SIK3: variants seen among roughly 807,000 people sequenced by gnomAD.
The protein encoded by SIK3 is SIK family kinase 3, also known as serine/threonine-protein kinase SIK3.
SIK3 carries 28 observed loss-of-function variants against 144.2 expected under a neutral mutation model. That is an observed-to-expected ratio of 0.19 (90% CI 0.14 to 0.27). The LOEUF (loss-of-function observed/expected upper bound fraction) is 0.27. Among genes scored for constraint, SIK3 ranks in the 10% least tolerant of loss-of-function variants. The probability of loss-of-function intolerance (pLI) is 1.00; values close to 1 mark genes in which losing one functional copy is unlikely to be tolerated. For missense variants in SIK3, 1,319 were observed against 1,776.0 expected (o/e 0.74, Z 4.62); for synonymous variants, 686 against 676.3 (o/e 1.01, Z -0.22).
intron 1 of SIK3, among the ~76,000 whole-genome samples, chr11:117,029,286 G>A (rs1457213979): frequency 2.3e-5 from 3 of 131,920 alleles, no homozygotes; most frequent in Non-Finnish European, 4.7e-5. Flanking sequence ...GCAACATGGT[G>A]AAACCCTGGA....
At chr11:116,878,968 TG>T (rs967222908) in intron 6 of SIK3, among the ~76,000 whole-genome samples, 1 of 152,182 alleles carries the variant, frequency 6.6e-6, no homozygotes, top group Non-Finnish European at 1.5e-5. Flanking sequence ...ATGATTTCTT[TG>T]GGAAACCATC....
At chr11:117,088,750 C>T (rs544448912) in intron 1 of SIK3, among the ~76,000 whole-genome samples, 5 of 152,166 alleles carry the variant, frequency 3.3e-5, no homozygotes, top group African/African-American at 1.2e-4. Flanking sequence ...GATCATAGCT[C>T]ACAGAAACCT....
chr11:117,071,014 C>A (rs1380662292), intron 1 of SIK3, among the ~76,000 whole-genome samples: 2 of 152,038 alleles, frequency 1.3e-5, no homozygotes, highest in Non-Finnish European at 2.9e-5. Flanking sequence ...CAAGCGTGAG[C>A]CACTGCGGCC....
intron 3 of SIK3, among the ~76,000 whole-genome samples, chr11:116,947,158 T>TAAA (rs1491488934): frequency 7.4e-5 from 10 of 135,476 alleles, no homozygotes; most frequent in African/African-American, 2.6e-4. Context: ...ATATAATATA[T>TAAA]TATATATAAA....
chr11:117,047,686 G>A (rs1326542638), intron 1 of SIK3, among the ~76,000 whole-genome samples: 4 of 152,172 alleles, frequency 2.6e-5, no homozygotes, highest in African/African-American at 9.7e-5. Context: ...GCTCATGCCT[G>A]TAATCCCAGC....
At chr11:117,069,793 C>T (rs1363784323) in intron 1 of SIK3, among the ~76,000 whole-genome samples, 3 of 152,184 alleles carry the variant, frequency 2.0e-5, no homozygotes, top group Non-Finnish European at 2.9e-5. Flanking sequence ...AAGTCAATCA[C>T]ACAGCCTCCC....
At chr11:116,896,177 A>G (rs765132250) in intron 6 of SIK3, 76 bp downstream of exon 6, 19 of 1,581,740 alleles carry the variant, frequency 1.2e-5, no homozygotes, top group Non-Finnish European at 1.6e-5. Flanking sequence ...ATACTCCATC[A>G]CTAAATTCCT....
chr11:116,889,513 G>A (rs905003856), intron 6 of SIK3, among the ~76,000 whole-genome samples: 2 of 152,206 alleles, frequency 1.3e-5, no homozygotes, highest in African/African-American at 4.8e-5. Context: ...GCTACAGTGA[G>A]CTATGGTCAT....
chr11:117,062,051 A>T (rs1218205009), intron 1 of SIK3, among the ~76,000 whole-genome samples: 1 of 152,014 alleles, frequency 6.6e-6, no homozygotes, highest in East Asian at 1.9e-4. Context: ...CAAGCCAGGC[A>T]CAGTGGTTCA....
chr11:116,956,238 C>T (rs1467307100), intron 2 of SIK3, among the ~76,000 whole-genome samples: 1 of 152,070 alleles, frequency 6.6e-6, no homozygotes, highest in Non-Finnish European at 1.5e-5. Context: ...TCCTCCTATC[C>T]CGCTTGAAAT....
chr11:116,945,380 C>CTT (rs35915801), intron 3 of SIK3, among the ~76,000 whole-genome samples: 3,316 of 95,354 alleles, frequency 0.035, 176 homozygotes, highest in African/African-American at 0.11. Flanking sequence ...TTCATGAATT[C>CTT]TTTTTTTTTT....
chr11:117,001,353 A>G lies in SIK3; in HGVS notation c.274-44289T>C, dbSNP rs1335720068. Among the ~76,000 whole-genome samples the G allele has an allele frequency of 3.3e-5, 5 of 152,122 alleles. 1 individual carries two copies. Among genetic ancestry groups the G allele is most frequent in the Admixed American group, 2.6e-4 (4 of 15,272 alleles). On this transcript the variant is annotated intron_variant, in intron 1 of 24. Coordinates refer to ENST00000445177, the MANE Select transcript of SIK3 (RefSeq NM_001366686.3). ...AAACCCCATCTCTACTAAAACTACA[A>G]AAATTAGCCAGGCATGGCGGTGTGC...
intron 1 of SIK3, among the ~76,000 whole-genome samples, chr11:117,064,558 A>G (rs543061866): frequency 6.6e-6 from 1 of 152,322 alleles, no homozygotes; most frequent in South Asian, 2.1e-4. Flanking sequence ...AATCAGAATT[A>G]ACAATACAAT....
chr11:117,037,758 G>A (rs1344085954), intron 1 of SIK3, among the ~76,000 whole-genome samples: 3 of 151,160 alleles, frequency 2.0e-5, no homozygotes, highest in Non-Finnish European at 4.4e-5. Context: ...TTCCAAGGCA[G>A]AAAAAAAGAG....
At chr11:117,084,803 G>T (rs925257100) in intron 1 of SIK3, among the ~76,000 whole-genome samples, 1 of 152,058 alleles carries the variant, frequency 6.6e-6, no homozygotes, top group African/African-American at 2.4e-5. Context: ...AAAATCAAGA[G>T]GGATGCTGTA....
Position 117,098,079 on chromosome 11 carries a change from G to T in SIK3, c.273+64C>A, listed in dbSNP as rs1371710235. The T allele has an allele frequency of 1.9e-5, 24 of 1,256,146 alleles. No homozygotes were observed. In the Admixed American group the frequency reaches 8.3e-4, roughly 43 times the overall value. The allele number at this position is 1,256,146 out of a possible 1,614,324, so 77.8% of individuals were successfully genotyped here. On this transcript the variant is annotated intron_variant, in intron 1 of 24. Coordinates refer to ENST00000445177, the MANE Select transcript of SIK3 (RefSeq NM_001366686.3). The stretch of plus-strand genomic sequence containing the variant: ...CGCTCGCCGCCCCGACCCCCCGGCT[G>T]GGGGGCGCGGACCTCTCCCGGCCCC...
chr11:117,059,260 T>C (rs1033399680), intron 1 of SIK3, among the ~76,000 whole-genome samples: 5 of 152,136 alleles, frequency 3.3e-5, no homozygotes, highest in Non-Finnish European at 7.4e-5. Flanking sequence ...ACATGGACAT[T>C]AAAGGCATAC....
intron 1 of SIK3, among the ~76,000 whole-genome samples, chr11:116,972,805 T>TACAC (rs373994439): frequency 2.7e-4 from 41 of 150,712 alleles, no homozygotes; most frequent in East Asian, 5.8e-4. Flanking sequence ...CACACACACA[T>TACAC]ACACACACAC....
At chr11:117,018,942 C>T (rs11216236) in intron 1 of SIK3, among the ~76,000 whole-genome samples, 4,581 of 151,756 alleles carry the variant, frequency 0.03, 104 homozygotes, top group Middle Eastern at 0.062. Context: ...GAACTCCTGA[C>T]CTTAGGTGAT....
Sources: gnomAD v4.1 joint callset for allele counts (sites outside exome capture counted in the v4.1 genomes callset) on GRCh38, gnomAD v4.1.1 for gene constraint, MANE v1.5 for transcripts, NCBI Gene and HGNC (gene_info 2026-07-23, HGNC 2026-07-21) for gene names.